The following PPM1L variants were observed in gnomAD, a reference collection of about 807,000 sequenced individuals.
PPM1L encodes protein phosphatase 1L.
PPM1L carries 13 observed loss-of-function variants against 31.4 expected under a neutral mutation model. The observed-to-expected ratio is 0.41, with a 90% confidence interval of 0.27 to 0.66. The LOEUF (loss-of-function observed/expected upper bound fraction) is 0.66, where lower values mean the gene tolerates loss of function less well. Ranked by LOEUF, PPM1L falls within the 30% of genes least tolerant of loss-of-function variation. The pLI is 0.29. For missense variants in PPM1L, 326 were observed against 453.7 expected, an observed-to-expected ratio of 0.72 and a Z score of 2.56; for synonymous variants, 184 against 175.4, an observed-to-expected ratio of 1.05 and a Z score of -0.39.
At chr3:160,811,502 T>C (rs897494) in intron 1 of PPM1L, among the ~76,000 whole-genome samples, 83,276 of 152,246 alleles carry the variant, frequency 0.55, 26,202 homozygotes, top group African/African-American at 0.87. Context: ...AGAAAACCTA[T>C]GTGACTCAAA....
At chr3:160,827,543 G>T (rs1713394146) in intron 1 of PPM1L, among the ~76,000 whole-genome samples, 1 of 151,598 alleles carries the variant, frequency 6.6e-6, no homozygotes, top group South Asian at 2.1e-4. Context: ...GAAAACGTGT[G>T]CATACTCTAA....
chr3:160,856,464 A>C (rs1711708686), intron 1 of PPM1L, among the ~76,000 whole-genome samples: 1 of 152,222 alleles, frequency 6.6e-6, no homozygotes, highest in African/African-American at 2.4e-5. Flanking sequence ...AGCATAGAAC[A>C]CGACACAGGC....
At chr3:160,872,655 G>A (rs986046827) in intron 1 of PPM1L, among the ~76,000 whole-genome samples, 29 of 152,118 alleles carry the variant, frequency 1.9e-4, no homozygotes, top group African/African-American at 4.3e-4. Context: ...GGCTGGGCGC[G>A]GTGGCTTACG....
At chr3:160,820,964 A>G (rs1211944269) in intron 1 of PPM1L, among the ~76,000 whole-genome samples, 1 of 152,084 alleles carries the variant, frequency 6.6e-6, no homozygotes, top group Non-Finnish European at 1.5e-5. Context: ...ACTAGCTATT[A>G]CTAAATTGTT....
intron 1 of PPM1L, among the ~76,000 whole-genome samples, chr3:160,895,637 GA>G (rs1319772801): frequency 1.3e-5 from 2 of 152,152 alleles, no homozygotes; most frequent in African/African-American, 2.4e-5. Flanking sequence ...GCAATTCTGA[GA>G]AATTTATAAA....
At chr3:160,935,984 A>G (rs1220973423) in intron 1 of PPM1L, among the ~76,000 whole-genome samples, 1 of 152,156 alleles carries the variant, frequency 6.6e-6, no homozygotes, top group Non-Finnish European at 1.5e-5. Flanking sequence ...TTCGGCAATA[A>G]ACTAAGACTT....
At chr3:161,012,161 A>G (rs530478819) in intron 2 of PPM1L, among the ~76,000 whole-genome samples, 1 of 152,278 alleles carries the variant, frequency 6.6e-6, no homozygotes, top group African/African-American at 2.4e-5. Context: ...GGTTTGTCAT[A>G]GATAGCTCTT....
At chr3:160,937,759 C>T (rs1715027126) in intron 1 of PPM1L, among the ~76,000 whole-genome samples, 1 of 152,122 alleles carries the variant, frequency 6.6e-6, no homozygotes, top group Admixed American at 6.5e-5. Context: ...AGTCAAGGTC[C>T]CAAATGTTTT....
At chr3:160,928,755 C>G (rs1714684323) in intron 1 of PPM1L, among the ~76,000 whole-genome samples, 1 of 152,132 alleles carries the variant, frequency 6.6e-6, no homozygotes, top group South Asian at 2.1e-4. Context: ...CCCTCTTTCT[C>G]TCCTACCATG....
chr3:160,955,849 T>C (rs1336765883), intron 1 of PPM1L, among the ~76,000 whole-genome samples: 1 of 151,126 alleles, frequency 6.6e-6, no homozygotes, highest in Non-Finnish European at 1.5e-5. Context: ...AGAGACGGGG[T>C]TTCACCGTGT....
chr3:160,844,971 A>G (rs1714029201), intron 1 of PPM1L, among the ~76,000 whole-genome samples: 1 of 152,076 alleles, frequency 6.6e-6, no homozygotes, highest in Admixed American at 6.6e-5. Context: ...AGATTTGCCT[A>G]TTCTGGACAT....
chr3:161,014,816 G>C (rs1718026624), intron 2 of PPM1L, among the ~76,000 whole-genome samples: 1 of 152,178 alleles, frequency 6.6e-6, no homozygotes, highest in African/African-American at 2.4e-5. Context: ...TAATGCTTCA[G>C]ATTTCTCAGA....
chr3:160,992,268 A>T (rs773275603), intron 2 of PPM1L, among the ~76,000 whole-genome samples: 2 of 152,200 alleles, frequency 1.3e-5, no homozygotes, highest in Non-Finnish European at 2.9e-5. Context: ...TTTGTGGGTG[A>T]TAATAGTTGA....
intron 1 of PPM1L, among the ~76,000 whole-genome samples, chr3:160,874,970 A>G (rs893244914): frequency 6.6e-6 from 1 of 152,206 alleles, no homozygotes; most frequent in African/African-American, 2.4e-5. Flanking sequence ...CCAGCCTTCC[A>G]GCTGGCCCAG....
Position 160,763,051 on chromosome 3 carries a change from G to A in PPM1L, c.399+6344G>A, listed in dbSNP as rs560442143. Reference sequence around the variant, plus strand: ...CTGAGATGCTGTCTCCATCTTGATGGAGCAGAATGATTCTAAAAAGATTTA... The same window carrying A: ...CTGAGATGCTGTCTCCATCTTGATGAAGCAGAATGATTCTAAAAAGATTTA... On this transcript the variant is annotated intron_variant, in intron 1 of 3. Coordinates refer to ENST00000498165, the MANE Select transcript of PPM1L (RefSeq NM_139245.4). Among the ~76,000 whole-genome samples the A allele has an allele frequency of 6.6e-5, 10 of 152,238 alleles. No homozygotes were observed. The South Asian group carries it at 1.9e-3, about 28-fold the overall frequency.
At chr3:161,048,230 CAAAT>C (rs1295217237) in intron 2 of PPM1L, among the ~76,000 whole-genome samples, 1 of 152,204 alleles carries the variant, frequency 6.6e-6, no homozygotes, top group Non-Finnish European at 1.5e-5. Flanking sequence ...AGAACTCAAA[CAAAT>C]TTACAAGAAA....
rs77258525 is a variant in PPM1L at position 160,801,561 on chromosome 3, C to T, written c.399+44854C>T. ...TTCAGACTATGTTTGTTCCCATGTG[C>T]CAGGGAGCTCTTGTGCTGATGTGAT... On this transcript the variant is annotated intron_variant, in intron 1 of 3. Coordinates refer to ENST00000498165, the MANE Select transcript of PPM1L (RefSeq NM_139245.4). 5.2e-3 allele frequency among the ~76,000 whole-genome samples: 795 copies of T among 152,318 alleles called. 13 individuals are homozygous for T. The highest frequency in any genetic ancestry group is 0.044 in the East Asian group (229 of 5,192).
At position 160,970,787 on chromosome 3, in the gene PPM1L, A is replaced by ATTTTTTTTTTTTT. The variant is rs71628437; in HGVS notation, c.574+8887_574+8899dup. ...CAAGCTGATTTTAATTTCAGTTATA[A>ATTTTTTTTTTTTT]TTTTTTTTTTTTTTTTTTTTTTGAG... On this transcript the variant is annotated intron_variant, in intron 2 of 3. Transcript: ENST00000498165. Among the ~76,000 whole-genome samples, 49 of 97,160 alleles carry ATTTTTTTTTTTTT rather than the reference A, an allele frequency of 5.0e-4. 3 individuals carry two copies. The highest frequency in any genetic ancestry group is 2.0e-3 in the African/African-American group (45 of 22,348). The allele number at this position is 97,160 out of a possible 152,430, so 63.7% of individuals were successfully genotyped here. A position where few individuals can be genotyped will look rare whatever the true frequency, so the allele number is the denominator to read the frequency against.
At position 160,981,297 on chromosome 3, in the gene PPM1L, C is replaced by A. The variant is rs115768939; in HGVS notation, c.574+19387C>A. On this transcript the variant is annotated intron_variant, in intron 2 of 3. Transcript: ENST00000498165. ...ATGTAGTTGCATTCAAGCTGTCAGC[C>A]AGGGGAGCAGTCTCTGAAGATTTAA... Among the ~76,000 whole-genome samples, 1,344 of 152,226 alleles carry A rather than the reference C, an allele frequency of 8.8e-3. 22 individuals are homozygous for A. The highest frequency in any genetic ancestry group is 0.031 in the African/African-American group (1,277 of 41,534).
Sources: allele counts gnomAD v4.1 joint callset (sites outside exome capture counted in the v4.1 genomes callset), GRCh38; gene constraint gnomAD v4.1.1; transcripts MANE v1.5; gene names NCBI Gene and HGNC (gene_info 2026-07-23, HGNC 2026-07-21).